Variants in ASCC3 observed in about 807,000 individuals in gnomAD.
The protein encoded by ASCC3 is activating signal cointegrator 1 complex subunit 3.
A neutral mutation model predicts 256.3 loss-of-function variants in ASCC3; 158 were observed. The observed-to-expected ratio is 0.62, with a 90% CI of 0.54 to 0.70. ASCC3 has a LOEUF of 0.70. Among genes scored for constraint, ASCC3 ranks in the 30% least tolerant of loss-of-function variants. The pLI, the probability that ASCC3 is intolerant of heterozygous loss-of-function variation, is 0.00. For synonymous variants in ASCC3, 948 were observed against 883.4 expected (o/e 1.07, Z -1.30); for missense variants, 2,259 against 2,626.0 (o/e 0.86, Z 3.05).
intron 4 of ASCC3, among the ~76,000 whole-genome samples, chr6:100,837,366 C>T (rs1162937077): frequency 6.6e-6 from 1 of 152,074 alleles, no homozygotes; most frequent in African/African-American, 2.4e-5. Context: ...ATCATATGAT[C>T]CAGCAATCCC....
intron 8 of ASCC3, among the ~76,000 whole-genome samples, chr6:100,771,802 G>T (rs904894394): frequency 2.8e-5 from 4 of 145,212 alleles, no homozygotes; most frequent in African/African-American, 7.7e-5. Flanking sequence ...AGAGAAAAAA[G>T]AATTCACACA....
chr6:100,509,815 G>A (rs1345464838), intron 41 of ASCC3, 117 bp downstream of exon 41: 10 of 1,048,938 alleles, frequency 9.5e-6, no homozygotes, highest in African/African-American at 3.2e-5. Flanking sequence ...GTGAACCCGG[G>A]AGGCGGAGCT....
In ASCC3 at chr6:100,864,136, T is replaced by C; in HGVS notation, c.169A>G (p.Lys57Glu). 2.5e-6 allele frequency: 4 copies of C among 1,607,936 alleles called. No homozygotes were observed. The highest frequency in any genetic ancestry group is 3.4e-6 in the Non-Finnish European group (4 of 1,176,082). The change falls in exon 3 of 42, where the codon AAA (lysine) becomes GAA (glutamate). Residue 57 changes from lysine to glutamate, a missense_variant. Physicochemically the swap from Lys to Glu is moderately conservative, Grantham distance 56. Transcript: ENST00000369162. ...CTTTGCATTTTACTCTTCTCCAGTTTTTCATTCAAAAATTTTATTATCTTC... is the reference window on the plus strand; with the variant it reads ...CTTTGCATTTTACTCTTCTCCAGTTCTTCATTCAAAAATTTTATTATCTTC... ...WKKIIKFLNE[K>E]LEKSKMQSIN...
rs565612150 is a variant in ASCC3 at position 100,754,995 on chromosome 6, C to T, written c.1737+11570G>A. Among the ~76,000 whole-genome samples the T allele has an allele frequency of 1.6e-4, 25 of 152,146 alleles. No individual in the cohort carries two copies. In the South Asian group the frequency reaches 5.2e-3, roughly 32 times the overall value. On this transcript the variant is annotated intron_variant, in intron 10 of 41. Transcript: ENST00000369162. ...CCACAGCCATGTGAAACTGTCAGTCCCTTAAACCTCTTTTTCTTTATAAAT... is the reference window on the plus strand; with the variant it reads ...CCACAGCCATGTGAAACTGTCAGTCTCTTAAACCTCTTTTTCTTTATAAAT...
chr6:100,655,895 A>G (rs1471656224), intron 16 of ASCC3, 77 bp from the exon 17 acceptor site: 1 of 1,540,236 alleles, frequency 6.5e-7, no homozygotes, highest in Non-Finnish European at 8.9e-7. Context: ...ATTCTGTCAG[A>G]GGTGAAGTTT....
At chr6:100,672,456 G>A (rs2114951620) in intron 14 of ASCC3, among the ~76,000 whole-genome samples, 1 of 152,000 alleles carries the variant, frequency 6.6e-6, no homozygotes, top group African/African-American at 2.4e-5. Context: ...CTAATTAAAA[G>A]CATTCAGGCA....
At chr6:100,778,184 T>A (rs1224755356) in intron 8 of ASCC3, among the ~76,000 whole-genome samples, 1 of 151,844 alleles carries the variant, frequency 6.6e-6, no homozygotes, top group Non-Finnish European at 1.5e-5. Flanking sequence ...AAGATTAAGA[T>A]GACAGACTGA....
At chr6:100,517,948 G>A in intron 38 of ASCC3, 43 bp downstream of exon 38, 1 of 1,593,788 alleles carries the variant, frequency 6.3e-7, no homozygotes, top group Non-Finnish European at 8.6e-7. Context: ...ATATTTTTTT[G>A]AAATCAAAAC....
chr6:100,614,489 C>A (rs1336331590), intron 30 of ASCC3, among the ~76,000 whole-genome samples: 2 of 152,166 alleles, frequency 1.3e-5, no homozygotes, highest in African/African-American at 4.8e-5. Flanking sequence ...GTAATCCTCA[C>A]AACATTCCTA....
chr6:100,619,989 C>T (rs1300738672), intron 30 of ASCC3, among the ~76,000 whole-genome samples: 1 of 151,808 alleles, frequency 6.6e-6, no homozygotes, highest in Non-Finnish European at 1.5e-5. Flanking sequence ...CCTTGCATTG[C>T]TAGAAAAAAA....
At chr6:100,558,143 AC>A (rs1769716939) in intron 36 of ASCC3, among the ~76,000 whole-genome samples, 3 of 152,014 alleles carry the variant, frequency 2.0e-5, no homozygotes, top group Non-Finnish European at 4.4e-5. Flanking sequence ...GAAGAAAACT[AC>A]ATAAGACTAA....
At chr6:100,610,950 AT>A (rs971640938) in intron 30 of ASCC3, among the ~76,000 whole-genome samples, 14 of 151,992 alleles carry the variant, frequency 9.2e-5, no homozygotes, top group Admixed American at 5.9e-4. Flanking sequence ...AGTTTGAGAG[AT>A]TTTTTTTCAC....
At chr6:100,728,933 C>G (rs1264463602) in intron 10 of ASCC3, among the ~76,000 whole-genome samples, 1 of 152,090 alleles carries the variant, frequency 6.6e-6, no homozygotes. Context: ...CCAATTCAAC[C>G]TCATTTTCAC....
At chr6:100,820,391 A>AAG (rs1770978886) in intron 4 of ASCC3, among the ~76,000 whole-genome samples, 1 of 152,212 alleles carries the variant, frequency 6.6e-6, no homozygotes, top group Admixed American at 6.5e-5. Context: ...AAGGGAAAAG[A>AAG]AGAGACTTTT....
chr6:100,671,055 A>G (rs1230143069), intron 14 of ASCC3, among the ~76,000 whole-genome samples: 1 of 152,058 alleles, frequency 6.6e-6, no homozygotes, highest in East Asian at 1.9e-4. Flanking sequence ...TGAAAAAGAA[A>G]AAGACAAAAA....
Position 100,646,501 on chromosome 6 carries a change from C to A in ASCC3, c.3633+114G>T, listed in dbSNP as rs990441550. On this transcript the variant is annotated intron_variant, in intron 22 of 41. Transcript: ENST00000369162. ...AATTGCTATAATTTTTAAAATAAAT[C>A]CTCAATATATATTCTTTTTAGAGGA... 5 of 1,150,590 alleles carry A rather than the reference C, an allele frequency of 4.3e-6. No homozygotes were observed. In the Admixed American group the frequency reaches 7.0e-5, roughly 16 times the overall value. The allele number at this position is 1,150,590 out of a possible 1,614,324, so 71.3% of individuals were successfully genotyped here.
intron 11 of ASCC3, among the ~76,000 whole-genome samples, chr6:100,721,470 A>G (rs1419997542): frequency 6.6e-6 from 1 of 151,702 alleles, no homozygotes; most frequent in Non-Finnish European, 1.5e-5. Flanking sequence ...ATGAGACCTC[A>G]TGTATAACAT....
chr6:100,611,022 A>G (rs1177429974), intron 30 of ASCC3, among the ~76,000 whole-genome samples: 1 of 152,168 alleles, frequency 6.6e-6, no homozygotes, highest in African/African-American at 2.4e-5. Context: ...GGCAATGCCA[A>G]TCATACCCAA....
intron 4 of ASCC3, among the ~76,000 whole-genome samples, chr6:100,841,607 A>C (rs546208126): frequency 6.6e-6 from 1 of 152,270 alleles, no homozygotes; most frequent in South Asian, 2.1e-4. Flanking sequence ...CAGTACTATT[A>C]GAACACTAAA....
Sources: gnomAD v4.1 joint callset for allele counts (sites outside exome capture counted in the v4.1 genomes callset) on GRCh38, gnomAD v4.1.1 for gene constraint, MANE v1.5 for transcripts, NCBI Gene and HGNC (gene_info 2026-07-23, HGNC 2026-07-21) for gene names.